Variants in ZNF561 observed in about 807,000 individuals in gnomAD.
The protein encoded by ZNF561 is zinc finger protein 561.
ZNF561 carries 16 observed loss-of-function variants against 16.7 expected under a neutral mutation model. The ratio of observed to expected loss-of-function variants is 0.96; its 90% CI spans 0.65 to 1.45. ZNF561 has a LOEUF of 1.45. ZNF561 is among the 40% of genes most tolerant of loss of function. ZNF561 has a pLI of 0.00. For synonymous variants in ZNF561, 190 were observed against 192.1 expected (o/e 0.99, Z 0.09); for missense variants, 580 against 578.0 (o/e 1.00, Z -0.04).
chr19:9,611,479 G>T, intron 5 of ZNF561, 143 bp from the exon 6 acceptor site: 1 of 917,262 alleles, frequency 1.1e-6, no homozygotes, highest in Non-Finnish European at 1.5e-6. Flanking sequence ...AGAAAGTCTT[G>T]TTCTATCTCC....
At position 9,610,171 on chromosome 19, in the gene ZNF561, G is replaced by T; in HGVS notation, c.*29C>A. 1 of 1,527,268 alleles carries T rather than the reference G, an allele frequency of 6.5e-7. No individual in the cohort carries two copies. Among genetic ancestry groups the T allele is most frequent in the Non-Finnish European group, 8.8e-7 (1 of 1,136,098 alleles). The allele number at this position is 1,527,268 out of a possible 1,614,324, so 94.6% of individuals were successfully genotyped here. On this transcript the variant is annotated 3_prime_UTR_variant, in exon 6 of 6. Coordinates refer to ENST00000302851, the MANE Select transcript of ZNF561 (RefSeq NM_152289.3). ...AAATCTGATAATCTTTGGTGTCATT[G>T]CCAATAATTAAAGATGGCAACCGAT...
intron 4 of ZNF561, among the ~76,000 whole-genome samples, chr19:9,616,614 T>C (rs2074558702): frequency 6.7e-6 from 1 of 150,076 alleles, no homozygotes; most frequent in Non-Finnish European, 1.5e-5. Context: ...TTTTTTGAGA[T>C]GGAGTCTCAA....
rs2074389118 is a variant in ZNF561 at position 9,608,456 on chromosome 19, T to C, written c.*1744A>G. On this transcript the variant is annotated 3_prime_UTR_variant, in exon 6 of 6. Coordinates refer to ENST00000302851, the MANE Select transcript of ZNF561 (RefSeq NM_152289.3). ...CCTCGAGAAATGTGAGAATATAAAT[T>C]TGTTTTTAACCTCATTTATTTAAAA... 6.6e-6 allele frequency: 1 copy of C among 152,176 alleles called. No individual in the cohort carries two copies. Among genetic ancestry groups the C allele is most frequent in the Non-Finnish European group, 1.5e-5 (1 of 68,038 alleles). 9.4% of individuals were successfully genotyped at this position (152,176 alleles called of 1,614,324 possible). A position where few individuals can be genotyped will look rare whatever the true frequency, so the allele number is the denominator to read the frequency against.
chr19:9,617,083 T>C lies in ZNF561; in HGVS notation c.203A>G (p.Asp68Gly). The change falls in exon 4 of 6, where the codon GAT becomes GGT. Residue 68 changes from aspartate to glycine, a missense_variant. By Grantham distance (94) the Asp-to-Gly change is moderately conservative (BLOSUM62 -1). Transcript: ENST00000302851. ...LDTTEKYLYR[D>G]VMLENYMNLA... ...GTTCATGTAGTTCTCCAGCATCACA[T>C]CTCTGTAGAGGTATTTCTCAGTTGT... The C allele has an allele frequency of 1.2e-6, 2 of 1,612,946 alleles. No individual in the cohort carries two copies. Among genetic ancestry groups the C allele is most frequent in the Middle Eastern group, 1.7e-4 (1 of 6,056 alleles).
In ZNF561 at chr19:9,607,744, A is replaced by G. The variant is rs1568225095; in HGVS notation, c.*2456T>C. The G allele has an allele frequency of 6.6e-6, 1 of 152,216 alleles. No homozygotes were observed. Among genetic ancestry groups the G allele is most frequent in the Non-Finnish European group, 1.5e-5 (1 of 68,040 alleles). 9.4% of individuals were successfully genotyped at this position (152,216 alleles called of 1,614,324 possible). ...AGTGGAAAAGTAAGAGTCATTATTT[A>G]CAGATTATGTGATTGTCTATGTGGA... On this transcript the variant is annotated 3_prime_UTR_variant, in exon 6 of 6. Transcript: ENST00000302851.
Position 9,617,046 on chromosome 19 carries a change from C to T in ZNF561, c.240G>A (p.Val80=), listed in dbSNP as rs1469286958. The part of the protein sequence containing the change: ...MLENYMNLAS[V]EWEIQPRTKR... ...CAAGCATAGTGATGTTACTCTTACC[C>T]ACAGAGGCCAGGTTCATGTAGTTCT... The change falls in exon 4 of 6, where the codon GTG becomes GTA. Residue 80 remains valine (V), a splice_region_variant and synonymous_variant. Coordinates refer to ENST00000302851, the MANE Select transcript of ZNF561 (RefSeq NM_152289.3). 2 of 1,609,234 alleles carry T rather than the reference C, an allele frequency of 1.2e-6. No homozygotes were observed. The highest frequency in any genetic ancestry group is 2.2e-5 in the South Asian group (2 of 90,428).
chr19:9,611,403 C>T, intron 5 of ZNF561, 67 bp from the exon 6 acceptor site: 1 of 1,448,354 alleles, frequency 6.9e-7, no homozygotes, highest in Non-Finnish European at 9.2e-7. Flanking sequence ...CCCATCTGAA[C>T]ACAGAAGCAT....
intron 4 of ZNF561, among the ~76,000 whole-genome samples, chr19:9,616,243 T>C (rs888400370): frequency 3.3e-5 from 5 of 152,188 alleles, no homozygotes; most frequent in Non-Finnish European, 5.9e-5. Context: ...ATCTGCCCTA[T>C]AACAGGCTAC....
intron 3 of ZNF561, 46 bp from the exon 4 acceptor site, chr19:9,617,217 C>T (rs1252873071): frequency 1.3e-6 from 2 of 1,591,900 alleles, no homozygotes; most frequent in South Asian, 2.3e-5. Context: ...AACACTTCCA[C>T]CAATATTCAC....
At chr19:9,619,685 T>C (rs1188849022) in intron 1 of ZNF561, 103 bp from the exon 2 acceptor site, 16 of 401,844 alleles carry the variant, frequency 4.0e-5, no homozygotes. Context: ...CCACCAAAAA[T>C]TGCCCACTCA....
At chr19:9,611,500 T>G (rs563918980) in intron 5 of ZNF561, among the ~76,000 whole-genome samples, 164 bp from the exon 6 acceptor site, 5 of 152,152 alleles carry the variant, frequency 3.3e-5, no homozygotes, top group Admixed American at 3.3e-4. Context: ...CTGTCTGGAG[T>G]GCATGGCACA....
intron 5 of ZNF561, among the ~76,000 whole-genome samples, chr19:9,613,667 A>C (rs997749836): frequency 6.6e-6 from 1 of 151,910 alleles, no homozygotes; most frequent in African/African-American, 2.4e-5. Context: ...ACAGGTGCCC[A>C]CCACCACACT....
intron 5 of ZNF561, among the ~76,000 whole-genome samples, chr19:9,613,337 A>C (rs1410931011): frequency 1.3e-5 from 2 of 151,946 alleles, no homozygotes; most frequent in East Asian, 3.9e-4. Context: ...TCCTGGGTTT[A>C]AGCAATTCTG....
In ZNF561 at chr19:9,607,380, T is replaced by C. The variant is rs2074368318; in HGVS notation, c.*2820A>G. 1 of 152,168 alleles carries C rather than the reference T, an allele frequency of 6.6e-6. No homozygotes were observed. Among genetic ancestry groups the C allele is most frequent in the African/African-American group, 2.4e-5 (1 of 41,434 alleles). The allele number at this position is 152,168 out of a possible 1,614,324, so 9.4% of individuals were successfully genotyped here. On this transcript the variant is annotated 3_prime_UTR_variant, in exon 6 of 6. Coordinates refer to ENST00000302851, the MANE Select transcript of ZNF561 (RefSeq NM_152289.3). Reference sequence around the variant, plus strand: ...ATCATTGGCCAGGAACAGTTCTAGGTACTTGAGTTCTAGCAGTAAATAAAC... The same window carrying C: ...ATCATTGGCCAGGAACAGTTCTAGGCACTTGAGTTCTAGCAGTAAATAAAC...
intron 4 of ZNF561, among the ~76,000 whole-genome samples, chr19:9,616,005 T>A (rs2074547067): frequency 6.6e-6 from 1 of 152,224 alleles, no homozygotes; most frequent in African/African-American, 2.4e-5. Context: ...CTTCAGTGAT[T>A]CTGAAAACAC....
rs758939290 is a variant in ZNF561 at position 9,618,092 on chromosome 19, T to A, written c.113A>T (p.Gln38Leu). The stretch of plus-strand genomic sequence containing the variant: ...AACAACAGTACGTTTTCTGCTTACC[T>A]GATAACCACTTGCCAGGTAGTCCTC... ...MVEDYLASGYQDSVTFDDVAV... is the reference protein window; with the variant it reads ...MVEDYLASGYLDSVTFDDVAV... The change falls in exon 3 of 6, where the codon CAG becomes CTG. Residue 38 changes from glutamine (Q) to leucine (L), a missense_variant and splice_region_variant. Physicochemically the swap from Gln to Leu is moderately radical, Grantham distance 113. Transcript: ENST00000302851. The A allele has an allele frequency of 1.4e-5, 22 of 1,550,834 alleles. No individual in the cohort carries two copies. The South Asian group carries it at 2.6e-4, about 18-fold the overall frequency.
At chr19:9,615,414 T>C (rs909184888) in intron 4 of ZNF561, among the ~76,000 whole-genome samples, 5 of 151,432 alleles carry the variant, frequency 3.3e-5, no homozygotes, top group South Asian at 2.1e-4. Context: ...CTGGCCAACA[T>C]AGTGAAACTC....
chr19:9,617,954 T>G, intron 3 of ZNF561, 137 bp downstream of exon 3: 1 of 789,478 alleles, frequency 1.3e-6, no homozygotes, highest in Non-Finnish European at 2.1e-6. Context: ...CTGGGGAAAT[T>G]CATCTGGGGA....
In ZNF561 at chr19:9,610,918, G is replaced by C; in HGVS notation, c.743C>G (p.Thr248Arg). The change falls in exon 6 of 6, where the codon ACA becomes AGA. Residue 248 changes from threonine (T) to arginine (R), a missense_variant. Coordinates refer to ENST00000302851, the MANE Select transcript of ZNF561 (RefSeq NM_152289.3). The part of the protein sequence containing the change: ...SHLKQCVAVH[T>R]GKKSKKTKKC... ...CTTAGTCTTTTTGGATTTCTTTCCT[G>C]TATGAACTGCTACACACTGCTTTAG... is the stretch of plus-strand genomic sequence containing the variant. 1.9e-6 allele frequency: 3 copies of C among 1,614,148 alleles called. No individual in the cohort carries two copies. The highest frequency in any genetic ancestry group is 2.5e-6 in the Non-Finnish European group (3 of 1,180,024).
Sources: allele counts gnomAD v4.1 joint callset (sites outside exome capture counted in the v4.1 genomes callset), GRCh38; gene constraint gnomAD v4.1.1; transcripts MANE v1.5; gene names NCBI Gene and HGNC (gene_info 2026-07-23, HGNC 2026-07-21).